Variants in MYO1G observed in about 807,000 individuals in gnomAD.
The protein encoded by MYO1G is unconventional myosin-Ig.
Under a neutral mutation model 115.3 loss-of-function variants are expected in MYO1G, and 65 were observed. That is an observed-to-expected ratio of 0.56 (90% CI 0.46 to 0.69). MYO1G has a LOEUF of 0.69. Among genes scored for constraint, MYO1G ranks in the 30% least tolerant of loss-of-function variants. The pLI is 0.00. For synonymous variants in MYO1G, 510 were observed against 552.6 expected, an observed-to-expected ratio of 0.92 and a Z score of 1.08; for missense variants, 1,204 against 1,393.5, an observed-to-expected ratio of 0.86 and a Z score of 2.16.
Position 44,976,914 on chromosome 7 carries a change from C to T in MYO1G, c.253G>A (p.Ala85Thr), listed in dbSNP as rs377581554. The change falls in exon 2 of 22, where the codon GCC (alanine) becomes ACC (threonine). Residue 85 changes from alanine to threonine, a missense_variant. Physicochemically the swap from Ala to Thr is moderately conservative, Grantham distance 58 (BLOSUM62 0). Coordinates refer to ENST00000258787, the MANE Select transcript of MYO1G (RefSeq NM_033054.3). ...PPHLYAVANA[A>T]YKAMKHRSRD... The stretch of plus-strand genomic sequence containing the variant: ...GACCGGTGCTTCATTGCCTTGTAGG[C>T]GGCGTTGGCCACAGCATAGAGATGG... 3.7e-5 allele frequency: 60 copies of T among 1,613,436 alleles called. No individual in the cohort carries two copies. Among genetic ancestry groups the T allele is most frequent in the South Asian group, 3.4e-4 (31 of 91,088 alleles).
intron 1 of MYO1G, 46 bp from the exon 2 acceptor site, chr7:44,977,117 A>G: frequency 6.3e-7 from 1 of 1,582,864 alleles, no homozygotes; most frequent in Non-Finnish European, 8.6e-7. Flanking sequence ...GCTTACAGGC[A>G]CCCACAGGCC....
chr7:44,975,342 G>A (rs1795028819), intron 4 of MYO1G, 115 bp from the exon 5 acceptor site: 2 of 1,494,000 alleles, frequency 1.3e-6, no homozygotes, highest in African/African-American at 1.4e-5. Context: ...CTGACTATGA[G>A]GACACTGAGG....
At position 44,963,110 on chromosome 7, in the gene MYO1G, G is replaced by A. The variant is rs1255738833; in HGVS notation, c.2760C>T (p.Ser920=). 5.4e-6 allele frequency: 8 copies of A among 1,492,928 alleles called. No individual in the cohort carries two copies. The Admixed American group carries it at 1.3e-4, about 24-fold the overall frequency. 92.5% of individuals were successfully genotyped at this position (1,492,928 alleles called of 1,614,324 possible). The change falls in exon 21 of 22, where the codon AGC becomes AGT. Residue 920 remains serine, a synonymous_variant. Coordinates refer to ENST00000258787, the MANE Select transcript of MYO1G (RefSeq NM_033054.3). The surrounding 1 kb of genome is among the most constrained non-coding windows in gnomAD (Gnocchi z 4.1). ...AVPLEAVTGL[S]VTSGGDQLVV... ...CCAGCTGGTCTCCTCCGCTGGTCAC[G>A]CTCAGCCCCGTCACCTGAGCGGAGC...
intron 5 of MYO1G, 65 bp from the exon 6 acceptor site, chr7:44,972,290 G>T: frequency 8.5e-7 from 1 of 1,178,938 alleles, no homozygotes; most frequent in South Asian, 1.2e-5. Context: ...CACACACACA[G>T]GCAGGAGAAC....
chr7:44,963,128 A>C lies in MYO1G; in HGVS notation c.2746-4T>G, dbSNP rs1440551120. The C allele has an allele frequency of 6.9e-7, 1 of 1,458,062 alleles. No individual in the cohort carries two copies. The highest frequency in any genetic ancestry group is 1.5e-5 in the African/African-American group (1 of 67,442). 90.3% of individuals were successfully genotyped at this position (1,458,062 alleles called of 1,614,324 possible). A position where few individuals can be genotyped will look rare whatever the true frequency, so the allele number is the denominator to read the frequency against. On this transcript the variant is annotated splice_region_variant and splice_polypyrimidine_tract_variant and intron_variant, in intron 20 of 21. Transcript: ENST00000258787. The surrounding 1 kb of genome is among the most constrained non-coding windows in gnomAD (Gnocchi z 4.1). ...TGGTCACGCTCAGCCCCGTCACCTG[A>C]GCGGAGCGCGGGGTCAGAGTGCAGC...
intron 12 of MYO1G, 114 bp from the exon 13 acceptor site, chr7:44,968,072 T>G (rs531043721): frequency 2.5e-6 from 2 of 815,990 alleles, no homozygotes; most frequent in Admixed American, 4.3e-5. Context: ...CATAGGTCAG[T>G]CTCTCTTCCT....
intron 1 of MYO1G, among the ~76,000 whole-genome samples, chr7:44,977,466 G>A (rs1011309896): frequency 6.6e-6 from 1 of 152,152 alleles, no homozygotes; most frequent in Admixed American, 6.5e-5. Flanking sequence ...AAGTGACTGG[G>A]CTGGGAGGGG....
chr7:44,971,097 GT>G, intron 7 of MYO1G, 38 bp from the exon 8 acceptor site: 1 of 1,561,074 alleles, frequency 6.4e-7, no homozygotes, highest in Non-Finnish European at 8.7e-7. Context: ...CGGGCTCCAT[GT>G]CTCAAAAGAG....
At chr7:44,978,731 C>T in intron 1 of MYO1G, 136 bp downstream of exon 1, 3 of 738,498 alleles carry the variant, frequency 4.1e-6, no homozygotes. Flanking sequence ...TCAGCCCCAT[C>T]TGGTCTGGGT....
At position 44,962,949 on chromosome 7, in the gene MYO1G, T is replaced by G. The variant is rs747015452; in HGVS notation, c.2900+21A>C. ...CACGCGGCCGGGGCTTCGTGCCCGC[T>G]ACCGCCCAGCCTGCACTCACCCCTG... On this transcript the variant is annotated intron_variant, in intron 21 of 21. Transcript: ENST00000258787. The surrounding 1 kb of genome is among the most constrained non-coding windows in gnomAD (Gnocchi z 5.3). The G allele has an allele frequency of 2.7e-5, 41 of 1,516,772 alleles. 2 individuals carry two copies. Among genetic ancestry groups the G allele is most frequent in the Non-Finnish European group, 1.3e-5 (15 of 1,136,236 alleles). The allele number at this position is 1,516,772 out of a possible 1,614,324, so 94.0% of individuals were successfully genotyped here.
rs1461503233 is a variant in MYO1G, at chr7:44,962,693, G to A, written c.*46C>T. 1 of 1,448,956 alleles carries A rather than the reference G, an allele frequency of 6.9e-7. No individual in the cohort carries two copies. Among genetic ancestry groups the A allele is most frequent in the Non-Finnish European group, 9.0e-7 (1 of 1,110,350 alleles). The allele number at this position is 1,448,956 out of a possible 1,614,324, so 89.8% of individuals were successfully genotyped here. ...CTCAGAAGGTTTATTTGCAGCGCTG[G>A]CGGGGCGGACAATTGGCGGCCTCGG... is the stretch of plus-strand genomic sequence containing the variant. On this transcript the variant is annotated 3_prime_UTR_variant, in exon 22 of 22. Coordinates refer to ENST00000258787, the MANE Select transcript of MYO1G (RefSeq NM_033054.3). This position sits in a 1 kb window ranked among gnomAD's most constrained non-coding sequence, Gnocchi z 5.3.
chr7:44,978,515 T>C (rs1471771682), intron 1 of MYO1G, among the ~76,000 whole-genome samples: 1 of 152,182 alleles, frequency 6.6e-6, no homozygotes, highest in Non-Finnish European at 1.5e-5. Flanking sequence ...CCTGGAAAGA[T>C]AGTGCCTGGT....
In MYO1G at chr7:44,975,517, G is replaced by A. The variant is rs763689955; in HGVS notation, c.531C>T (p.Ile177=). The A allele has an allele frequency of 9.4e-5, 152 of 1,613,494 alleles. No homozygotes were observed. Among genetic ancestry groups the A allele is most frequent in the Non-Finnish European group, 1.2e-4 (146 of 1,179,712 alleles). The change falls in exon 4 of 22, where the codon ATC becomes ATT. Residue 177 remains isoleucine, a synonymous_variant. Transcript: ENST00000258787. ...GTAGGTAGCTGTGGATGTGTCCTCC[G>A]ATCGGGTCCCCCTTGAAGTCAAAGT... The part of the protein sequence containing the change: ...DINFDFKGDP[I]GGHIHSYLLE...
In MYO1G at chr7:44,963,487, T is replaced by G; in HGVS notation, c.2746-363A>C. On this transcript the variant is annotated intron_variant, in intron 20 of 21. Transcript: ENST00000258787. This position sits in a 1 kb window ranked among gnomAD's most constrained non-coding sequence, Gnocchi z 4.1. Reference sequence around the variant, plus strand: ...CTGCATTTAAACAACCACGCCGGCTTTGGGCTGTGGCATTACACAGCAAGG... The same window carrying G: ...CTGCATTTAAACAACCACGCCGGCTGTGGGCTGTGGCATTACACAGCAAGG... 1 of 259,942 alleles carries G rather than the reference T, an allele frequency of 3.8e-6. No individual in the cohort carries two copies. The allele number at this position is 259,942 out of a possible 1,614,324, so 16.1% of individuals were successfully genotyped here.
chr7:44,965,499 T>C (rs1794823029), intron 17 of MYO1G, 138 bp downstream of exon 17: 1 of 794,666 alleles, frequency 1.3e-6, no homozygotes, highest in Non-Finnish European at 2.0e-6. Context: ...AGTCAGCTAA[T>C]GTGGCATAGC....
At chr7:44,978,561 G>T (rs959812762) in intron 1 of MYO1G, among the ~76,000 whole-genome samples, 1 of 152,226 alleles carries the variant, frequency 6.6e-6, no homozygotes, top group African/African-American at 2.4e-5. Flanking sequence ...CCCTGGCCCC[G>T]TCGGGCAGGA....
intron 1 of MYO1G, among the ~76,000 whole-genome samples, chr7:44,977,653 C>G (rs1291050185): frequency 2.0e-5 from 3 of 152,302 alleles, no homozygotes; most frequent in Admixed American, 6.5e-5. Flanking sequence ...GGCACAGCCT[C>G]AGACTTCTTG....
In MYO1G at chr7:44,975,620, C is replaced by G. The variant is rs149320563; in HGVS notation, c.428G>C (p.Cys143Ser). The part of the protein sequence containing the change: ...RVKDVLLKST[C>S]VLEAFGNART... The stretch of plus-strand genomic sequence containing the variant: ...GGCATTGCCAAAGGCCTCCAGCACA[C>G]AGGTGGACTTGAGCAGCACGTCCTT... The change falls in exon 4 of 22, where the codon TGT becomes TCT. Residue 143 changes from cysteine (C) to serine (S), a missense_variant. Transcript: ENST00000258787. 6.2e-7 allele frequency: 1 copy of G among 1,613,094 alleles called. No individual in the cohort carries two copies. Among genetic ancestry groups the G allele is most frequent in the South Asian group, 1.1e-5 (1 of 91,000 alleles).
Position 44,965,679 on chromosome 7 carries a change from A to T in MYO1G, c.2339T>A (p.Val780Glu). The T allele has an allele frequency of 6.2e-7, 1 of 1,613,610 alleles. No homozygotes were observed. Among genetic ancestry groups the T allele is most frequent in the Non-Finnish European group, 8.5e-7 (1 of 1,179,990 alleles). ...RDLVWPLPPAVLQPFQDTCHA... is the reference protein window; with the variant it reads ...RDLVWPLPPAELQPFQDTCHA... ...GCAGGTGTCCTGGAAGGGCTGCAGC[A>T]CAGCAGGGGGCAGCGGCCACACAAG... Residue 780 changes from valine (V) to glutamate (E), a missense_variant, in exon 17 of 22, where the codon GTG (valine) becomes GAG (glutamate). Val to Glu is a moderately radical substitution (Grantham distance 121). Transcript: ENST00000258787.
Sources: gnomAD v4.1 joint callset for allele counts (sites outside exome capture counted in the v4.1 genomes callset) on GRCh38, gnomAD v4.1.1 for gene constraint, Gnocchi (gnomAD v3.1) non-coding constraint, MANE v1.5 for transcripts, NCBI Gene and HGNC (gene_info 2026-07-23, HGNC 2026-07-21) for gene names.